The following MMP26 variants were observed in gnomAD, a reference collection of about 807,000 sequenced individuals.
MMP26 encodes matrix metallopeptidase 26.
A neutral mutation model predicts 31.0 loss-of-function variants in MMP26; 33 were observed. That is an observed-to-expected ratio of 1.06 (90% CI 0.81 to 1.42). The LOEUF is 1.42. Among genes scored for constraint, MMP26 ranks in the 40% most tolerant of loss-of-function variants. The pLI, the probability that MMP26 is intolerant of heterozygous loss-of-function variation, is 0.00. For synonymous variants in MMP26, 122 were observed against 114.9 expected, an observed-to-expected ratio of 1.06 and a Z score of -0.40; for missense variants, 347 against 316.1, an observed-to-expected ratio of 1.10 and a Z score of -0.74.
At chr11:4,798,302 G>C (rs769849528) in intron 2 of MMP26, among the ~76,000 whole-genome samples, 48 of 152,194 alleles carry the variant, frequency 3.2e-4, no homozygotes, top group Non-Finnish European at 6.0e-4. Flanking sequence ...GGATGAGCCA[G>C]TGACTTCAGG....
At chr11:4,943,570 A>G in intron 2 of MMP26, 1 of 436,090 alleles carries the variant, frequency 2.3e-6, no homozygotes, top group South Asian at 1.6e-5. Context: ...AAGAATGGTT[A>G]GTAGCGTCTC....
intron 2 of MMP26, among the ~76,000 whole-genome samples, chr11:4,834,074 C>G (rs1849683893): frequency 6.6e-6 from 1 of 152,050 alleles, no homozygotes; most frequent in South Asian, 2.1e-4. Flanking sequence ...GAAGCCAGGC[C>G]CCTCACGTTT....
chr11:4,723,752 C>CGAACA lies in MMP26; in HGVS notation c.-217+18708_-217+18712dup, dbSNP rs1848054129. 4 of 1,428,552 alleles carry CGAACA rather than the reference C, an allele frequency of 2.8e-6. No homozygotes were observed. In the South Asian group the frequency reaches 3.4e-5, roughly 12 times the overall value. The allele number at this position is 1,428,552 out of a possible 1,614,324, so 88.5% of individuals were successfully genotyped here. ...CGCCTAAGGTTGTTGATGTAGCTCT[C>CGAACA]GAACATGTTGTCCATGTTGCTCCGA... On this transcript the variant is annotated intron_variant, in intron 1 of 7. Coordinates refer to ENST00000380390, the MANE Select transcript of MMP26 (RefSeq NM_021801.5).
intron 2 of MMP26, among the ~76,000 whole-genome samples, chr11:4,892,850 C>A (rs1001371283): frequency 2.6e-5 from 4 of 152,090 alleles, no homozygotes; most frequent in African/African-American, 7.2e-5. Context: ...AGATCTGTTC[C>A]AATATGAATC....
intron 1 of MMP26, among the ~76,000 whole-genome samples, chr11:4,715,748 G>A (rs1260142029): frequency 6.6e-6 from 1 of 152,112 alleles, no homozygotes; most frequent in Non-Finnish European, 1.5e-5. Flanking sequence ...ATTCTAAAAG[G>A]GCTCTAAAGA....
At chr11:4,737,584 G>C (rs182167769) in intron 1 of MMP26, among the ~76,000 whole-genome samples, 1 of 152,216 alleles carries the variant, frequency 6.6e-6, no homozygotes, top group East Asian at 1.9e-4. Flanking sequence ...CGGAGGTTGC[G>C]GTGAGCCGAG....
rs147563803 is a variant in MMP26 at position 4,866,364 on chromosome 11, C to G, written c.-145+99023C>G. Among the ~76,000 whole-genome samples the G allele has an allele frequency of 9.7e-3, 1,480 of 152,134 alleles. 27 individuals are homozygous for G. Among genetic ancestry groups the G allele is most frequent in the African/African-American group, 0.032 (1,347 of 41,512 alleles). On this transcript the variant is annotated intron_variant, in intron 2 of 7. Coordinates refer to ENST00000380390, the MANE Select transcript of MMP26 (RefSeq NM_021801.5). Reference sequence around the variant, plus strand: ...AAGTCTCTTAAAAGCAATTAAGAATCTAAGGTTTCTATTATATCCATGATA... The same window carrying G: ...AAGTCTCTTAAAAGCAATTAAGAATGTAAGGTTTCTATTATATCCATGATA...
intron 2 of MMP26, chr11:4,821,530 T>A: frequency 6.2e-7 from 1 of 1,612,452 alleles, no homozygotes; most frequent in Non-Finnish European, 8.5e-7. Context: ...TTGTCTCCTA[T>A]ATGTTGTTGC....
At chr11:4,759,460 A>T (rs1848546445) in intron 1 of MMP26, among the ~76,000 whole-genome samples, 1 of 152,292 alleles carries the variant, frequency 6.6e-6, no homozygotes, top group Non-Finnish European at 1.5e-5. Context: ...CCATATATAT[A>T]AATTATTCCT....
In MMP26 at chr11:4,948,792, C is replaced by G. The variant is rs1184609915; in HGVS notation, c.-144-39276C>G. ...TATTACCATAACCTTCCCATAAATT[C>G]TTTTAAACTATGTGATGATTACTTC... On this transcript the variant is annotated intron_variant, in intron 2 of 7. Transcript: ENST00000380390. Among the ~76,000 whole-genome samples, 2 of 124,608 alleles carry G rather than the reference C, an allele frequency of 1.6e-5. 1 individual carries two copies. The highest frequency in any genetic ancestry group is 3.7e-5 in the Non-Finnish European group (2 of 54,760). 81.7% of individuals were successfully genotyped at this position (124,608 alleles called of 152,430 possible). A position where few individuals can be genotyped will look rare whatever the true frequency, so the allele number is the denominator to read the frequency against.
intron 1 of MMP26, among the ~76,000 whole-genome samples, chr11:4,751,493 T>C (rs1484437477): frequency 6.6e-6 from 1 of 151,784 alleles, no homozygotes; most frequent in African/African-American, 2.4e-5. Flanking sequence ...TGAAGTGGAG[T>C]CAACAGTAAA....
chr11:4,801,548 ATTTATTTATTTG>A (rs1184048965), intron 2 of MMP26, among the ~76,000 whole-genome samples: 1 of 110,732 alleles, frequency 9.0e-6, no homozygotes, highest in Non-Finnish European at 1.9e-5. Flanking sequence ...TTATTTATTT[ATTTATTTATTTG>A]AGATGGAGTT....
intron 2 of MMP26, among the ~76,000 whole-genome samples, chr11:4,925,228 A>C (rs1189547451): frequency 6.6e-6 from 1 of 152,208 alleles, no homozygotes; most frequent in African/African-American, 2.4e-5. Flanking sequence ...GTTGGGGATG[A>C]AATTTAAACC....
chr11:4,800,478 C>A (rs575195391), intron 2 of MMP26, among the ~76,000 whole-genome samples: 1 of 152,166 alleles, frequency 6.6e-6, no homozygotes, highest in Non-Finnish European at 1.5e-5. Flanking sequence ...GCCCCCAAAA[C>A]CATTTTTTTC....
chr11:4,966,940 A>C (rs889796666), intron 2 of MMP26, among the ~76,000 whole-genome samples: 1 of 152,150 alleles, frequency 6.6e-6, no homozygotes, highest in Non-Finnish European at 1.5e-5. Flanking sequence ...TGGTGGAGTG[A>C]GGATGGCAGT....
At chr11:4,923,831 T>A in intron 2 of MMP26, 1 of 1,613,680 alleles carries the variant, frequency 6.2e-7, no homozygotes, top group East Asian at 2.2e-5. Context: ...GGAGTGGCAG[T>A]ATTGGAAGCG....
rs145562368 is a variant in MMP26, at chr11:4,774,287, TTC to T, written c.-145+6948_-145+6949del. Among the ~76,000 whole-genome samples the T allele has an allele frequency of 9.5e-3, 1,452 of 152,266 alleles. 23 individuals carry two copies. The highest frequency in any genetic ancestry group is 0.033 in the African/African-American group (1,367 of 41,550). ...CCTATTTCTCCACGACCTCACCAGC[TTC>T]TGTTTCTTGACTTTTTAATAATGGC... On this transcript the variant is annotated intron_variant, in intron 2 of 7. Transcript: ENST00000380390.
At chr11:4,923,780 A>T in intron 2 of MMP26, 1 of 1,614,112 alleles carries the variant, frequency 6.2e-7, no homozygotes, top group East Asian at 2.2e-5. Flanking sequence ...GGCCAGCTTC[A>T]TGATCTCCAG....
chr11:4,925,178 G>C (rs1453428422), intron 2 of MMP26, among the ~76,000 whole-genome samples: 1 of 152,156 alleles, frequency 6.6e-6, no homozygotes, highest in African/African-American at 2.4e-5. Flanking sequence ...GTAGCGCAGA[G>C]AGGTAAAGTG....
Sources: gnomAD v4.1 joint callset for allele counts (sites outside exome capture counted in the v4.1 genomes callset) on GRCh38, gnomAD v4.1.1 for gene constraint, MANE v1.5 for transcripts, NCBI Gene and HGNC (gene_info 2026-07-23, HGNC 2026-07-21) for gene names.